The following CNTN5 variants were observed in gnomAD, a reference collection of about 807,000 sequenced individuals.
CNTN5 encodes the protein contactin-5.
Under a neutral mutation model 129.1 loss-of-function variants are expected in CNTN5, and 77 were observed. The observed-to-expected ratio is 0.60, with a 90% CI of 0.50 to 0.72. The LOEUF (loss-of-function observed/expected upper bound fraction) is 0.72. CNTN5 is among the 30% of genes least tolerant of loss of function. The pLI is 0.00. For missense variants in CNTN5, 1,478 were observed against 1,328.8 expected (o/e 1.11, Z -1.75); for synonymous variants, 509 against 465.6 (o/e 1.09, Z -1.20).
rs397936738 is a variant in CNTN5 at position 99,727,312 on chromosome 11, C to CAAAA, written c.56-92213_56-92210dup. ...TGGGCGACAGAGCGAGACTCCGTCT[C>CAAAA]AAAAAAAAAAAAAAAAAAAAAATTC... On this transcript the variant is annotated intron_variant, in intron 3 of 24. Coordinates refer to ENST00000524871, the MANE Select transcript of CNTN5 (RefSeq NM_014361.4). Among the ~76,000 whole-genome samples, 20 of 24,298 alleles carry CAAAA rather than the reference C, an allele frequency of 8.2e-4. 2 individuals are homozygous for CAAAA. The highest frequency in any genetic ancestry group is 7.5e-3 in the East Asian group (2 of 268). 15.9% of individuals were successfully genotyped at this position (24,298 alleles called of 152,430 possible).
chr11:99,748,656 A>G (rs1384644925), intron 3 of CNTN5, among the ~76,000 whole-genome samples: 1 of 152,162 alleles, frequency 6.6e-6, no homozygotes, highest in Non-Finnish European at 1.5e-5. Flanking sequence ...CTCACTTTGG[A>G]GTCCCAGAGT....
intron 2 of CNTN5, among the ~76,000 whole-genome samples, chr11:99,359,289 G>A (rs1487580084): frequency 2.0e-5 from 3 of 152,070 alleles, no homozygotes; most frequent in African/African-American, 7.2e-5. Context: ...GGTGGAATGG[G>A]TGAAAAAAGC....
chr11:100,238,484 A>AAGC (rs1279587766), intron 16 of CNTN5, among the ~76,000 whole-genome samples: 1 of 145,142 alleles, frequency 6.9e-6, no homozygotes, highest in Non-Finnish European at 1.5e-5. Context: ...GGAGAAGCAG[A>AAGC]AGCAGCAGCA....
intron 1 of CNTN5, among the ~76,000 whole-genome samples, chr11:99,207,081 T>C (rs1175528815): frequency 1.3e-5 from 2 of 152,142 alleles, no homozygotes; most frequent in Non-Finnish European, 2.9e-5. Flanking sequence ...GCTCTTACTG[T>C]ATTCTAATTA....
intron 3 of CNTN5, among the ~76,000 whole-genome samples, chr11:99,708,175 T>G (rs192817924): frequency 6.6e-6 from 1 of 151,812 alleles, no homozygotes; most frequent in African/African-American, 2.4e-5. Flanking sequence ...AATTCACATT[T>G]TTCCTCCTAT....
At chr11:99,571,934 T>C (rs946510377) in intron 3 of CNTN5, among the ~76,000 whole-genome samples, 1 of 152,216 alleles carries the variant, frequency 6.6e-6, no homozygotes, top group Non-Finnish European at 1.5e-5. Flanking sequence ...AGTAATATTT[T>C]TTCTTCATAT....
In CNTN5 at chr11:99,840,715, C is replaced by T. The variant is rs188221229; in HGVS notation, c.278-4137C>T. Among the ~76,000 whole-genome samples the T allele has an allele frequency of 6.6e-5, 10 of 152,140 alleles. No homozygotes were observed. The East Asian group carries it at 1.2e-3, about 18-fold the overall frequency. On this transcript the variant is annotated intron_variant, in intron 4 of 24. Coordinates refer to ENST00000524871, the MANE Select transcript of CNTN5 (RefSeq NM_014361.4). The stretch of plus-strand genomic sequence containing the variant: ...ACATCTGCCCATTACACAAATGTGT[C>T]GAAGGCTTCTACTTGGTTGAAGAGT...
intron 3 of CNTN5, among the ~76,000 whole-genome samples, chr11:99,621,064 G>A (rs12807124): frequency 0.45 from 68,338 of 151,478 alleles, 15,856 homozygotes; most frequent in Admixed American, 0.59. Flanking sequence ...CATGGAGTAC[G>A]GCGTCTGTGG....
chr11:100,231,741 C>CATTCT (rs1293288046), intron 16 of CNTN5, among the ~76,000 whole-genome samples: 4 of 152,128 alleles, frequency 2.6e-5, no homozygotes, highest in African/African-American at 9.7e-5. Context: ...TAGGGTTCTC[C>CATTCT]ATTCTATTCT....
chr11:99,846,358 A>C (rs1356625856), intron 6 of CNTN5, among the ~76,000 whole-genome samples: 8 of 37,306 alleles, frequency 2.1e-4, no homozygotes, highest in Non-Finnish European at 3.9e-4. Context: ...GATCTGTCTC[A>C]AAAAAAAAAA....
chr11:99,824,714 G>A (rs1036378379), intron 4 of CNTN5, among the ~76,000 whole-genome samples: 3 of 151,298 alleles, frequency 2.0e-5, no homozygotes, highest in Admixed American at 6.6e-5. Flanking sequence ...TCATATTTAG[G>A]TGTTTAAACC....
intron 13 of CNTN5, among the ~76,000 whole-genome samples, chr11:100,156,187 GTTTA>G (rs1256698281): frequency 1.3e-5 from 2 of 152,074 alleles, no homozygotes; most frequent in African/African-American, 4.8e-5. Flanking sequence ...TCAATGCCTA[GTTTA>G]TTTAGAGTTT....
intron 7 of CNTN5, among the ~76,000 whole-genome samples, chr11:99,954,366 A>C (rs1203566623): frequency 6.6e-6 from 1 of 152,190 alleles, no homozygotes; most frequent in African/African-American, 2.4e-5. Context: ...GTTAAAAAAA[A>C]ACCTTAAAAA....
chr11:99,746,655 C>A (rs116422662), intron 3 of CNTN5, among the ~76,000 whole-genome samples: 2 of 152,098 alleles, frequency 1.3e-5, no homozygotes, highest in African/African-American at 4.8e-5. Flanking sequence ...GAATCTAATG[C>A]CTGATGGTCT....
chr11:100,089,362 A>G (rs976405065), intron 13 of CNTN5, among the ~76,000 whole-genome samples: 2 of 152,164 alleles, frequency 1.3e-5, no homozygotes, highest in Admixed American at 1.3e-4. Context: ...ATGAGATATC[A>G]TCTCATGCCA....
At chr11:100,273,574 C>G (rs550455793) in intron 18 of CNTN5, among the ~76,000 whole-genome samples, 1 of 152,212 alleles carries the variant, frequency 6.6e-6, no homozygotes, top group South Asian at 2.1e-4. Flanking sequence ...AGAAGGCACC[C>G]AGACCTGCAC....
At chr11:100,148,230 C>A (rs982779494) in intron 13 of CNTN5, among the ~76,000 whole-genome samples, 2 of 152,138 alleles carry the variant, frequency 1.3e-5, no homozygotes, top group Non-Finnish European at 2.9e-5. Flanking sequence ...ATAATCCAAG[C>A]TTGTCCCATA....
intron 1 of CNTN5, among the ~76,000 whole-genome samples, chr11:99,199,450 T>A (rs570231612): frequency 6.6e-6 from 1 of 152,172 alleles, no homozygotes; most frequent in Non-Finnish European, 1.5e-5. Context: ...AATATGACAT[T>A]CTACAAATCA....
intron 1 of CNTN5, among the ~76,000 whole-genome samples, chr11:99,121,468 A>G (rs1444891151): frequency 6.6e-6 from 1 of 152,164 alleles, no homozygotes; most frequent in Non-Finnish European, 1.5e-5. Flanking sequence ...GTACAAAACA[A>G]CACAAAGACA....
Sources: gnomAD v4.1 joint callset for allele counts (sites outside exome capture counted in the v4.1 genomes callset) on GRCh38, gnomAD v4.1.1 for gene constraint, MANE v1.5 for transcripts, NCBI Gene and HGNC (gene_info 2026-07-23, HGNC 2026-07-21) for gene names.